The following PCSK2 variants were observed in gnomAD, a reference collection of about 807,000 sequenced individuals.
The protein encoded by PCSK2 is proprotein convertase subtilisin/kexin type 2, also known as neuroendocrine convertase 2.
PCSK2 carries 14 observed loss-of-function variants against 69.7 expected under a neutral mutation model. The ratio of observed to expected loss-of-function variants is 0.20; its 90% confidence interval spans 0.13 to 0.31. PCSK2 has a LOEUF of 0.31. PCSK2 is among the 10% of genes least tolerant of loss of function. The pLI is 1.00. For missense variants in PCSK2, 544 were observed against 842.5 expected (o/e 0.65, Z 4.39); for synonymous variants, 307 against 320.7 (o/e 0.96, Z 0.46).
At chr20:17,382,496 C>T (rs560198103) in intron 5 of PCSK2, among the ~76,000 whole-genome samples, 6 of 152,280 alleles carry the variant, frequency 3.9e-5, no homozygotes, top group African/African-American at 7.2e-5. Flanking sequence ...CAAATGGCAT[C>T]GCCATGGTCA....
intron 2 of PCSK2, among the ~76,000 whole-genome samples, chr20:17,281,044 C>A (rs1432593244): frequency 6.6e-6 from 1 of 152,218 alleles, no homozygotes; most frequent in Non-Finnish European, 1.5e-5. Flanking sequence ...CTGGAGACTT[C>A]TTTCTTCTCC....
intron 2 of PCSK2, among the ~76,000 whole-genome samples, chr20:17,290,442 C>T (rs1002966230): frequency 6.6e-6 from 1 of 152,172 alleles, no homozygotes; most frequent in African/African-American, 2.4e-5. Flanking sequence ...CTAATTATCA[C>T]CATGTGCCCA....
At chr20:17,358,136 C>CT (rs935520451) in intron 2 of PCSK2, among the ~76,000 whole-genome samples, 191 bp from the exon 3 acceptor site, 1 of 151,222 alleles carries the variant, frequency 6.6e-6, no homozygotes, top group African/African-American at 2.4e-5. Context: ...CGAGACCCCC[C>CT]CTAATCTCTA....
chr20:17,236,178 C>T (rs1986330295), intron 1 of PCSK2, among the ~76,000 whole-genome samples: 2 of 152,020 alleles, frequency 1.3e-5, no homozygotes, highest in Non-Finnish European at 2.9e-5. Flanking sequence ...ATCATATGTG[C>T]TATTTTAAGT....
At chr20:17,271,434 C>T (rs570990415) in intron 2 of PCSK2, among the ~76,000 whole-genome samples, 7 of 152,020 alleles carry the variant, frequency 4.6e-5, no homozygotes, top group East Asian at 3.9e-4. Context: ...TAAACAAGTT[C>T]GATTCTTTAG....
chr20:17,320,840 A>C (rs1323819687), intron 2 of PCSK2, among the ~76,000 whole-genome samples: 1 of 152,232 alleles, frequency 6.6e-6, no homozygotes, highest in Non-Finnish European at 1.5e-5. Context: ...TGCAGAAGGA[A>C]TATGGGAAAG....
chr20:17,433,785 T>TTCTC (rs369676259), intron 7 of PCSK2, among the ~76,000 whole-genome samples: 43 of 40,840 alleles, frequency 1.1e-3, no homozygotes, highest in African/African-American at 1.7e-3. Context: ...CTCCTTTGAT[T>TTCTC]TCTCTCTCTC....
intron 7 of PCSK2, 34 bp downstream of exon 7, chr20:17,429,557 A>G (rs759789280): frequency 7.1e-7 from 1 of 1,398,976 alleles, no homozygotes; most frequent in Non-Finnish European, 1.0e-6. Context: ...GGCCCCCACT[A>G]GGTATCACAC....
intron 5 of PCSK2, among the ~76,000 whole-genome samples, chr20:17,372,993 G>A (rs1273102521): frequency 1.3e-5 from 2 of 152,196 alleles, no homozygotes; most frequent in African/African-American, 4.8e-5. Flanking sequence ...AAAATTGTTT[G>A]AGCAGAGAAT....
chr20:17,452,533 A>T (rs1384669252), intron 8 of PCSK2, among the ~76,000 whole-genome samples: 1 of 152,166 alleles, frequency 6.6e-6, no homozygotes, highest in Non-Finnish European at 1.5e-5. Context: ...TAAACCACTG[A>T]TTCTGTGTCA....
chr20:17,480,055 C>A (rs1600614487), intron 11 of PCSK2, among the ~76,000 whole-genome samples: 1 of 152,018 alleles, frequency 6.6e-6, no homozygotes, highest in Non-Finnish European at 1.5e-5. Flanking sequence ...AGGAGATTGC[C>A]TGTAAGGACA....
intron 1 of PCSK2, among the ~76,000 whole-genome samples, chr20:17,233,362 G>T (rs774575938): frequency 3.9e-5 from 6 of 152,162 alleles, no homozygotes; most frequent in Non-Finnish European, 7.4e-5. Flanking sequence ...ACAATAAGCT[G>T]GTTGTGCACT....
rs2123268304 is a variant in PCSK2, at chr20:17,389,524, A to AGGGTGTGAACAGATGCTC, written c.544-19738_544-19721dup. Among the ~76,000 whole-genome samples, 3 of 152,152 alleles carry AGGGTGTGAACAGATGCTC rather than the reference A, an allele frequency of 2.0e-5. 1 individual carries two copies. The highest frequency in any genetic ancestry group is 7.2e-5 in the African/African-American group (3 of 41,504). On this transcript the variant is annotated intron_variant, in intron 5 of 11. Coordinates refer to ENST00000262545, the MANE Select transcript of PCSK2 (RefSeq NM_002594.5). ...AACAGATGCTCTTTGGTTCATGGAA[A>AGGGTGTGAACAGATGCTC]GGGTGTGAACAGATGCTCAGGCCTG...
chr20:17,351,193 T>C (rs1334710260), intron 2 of PCSK2, among the ~76,000 whole-genome samples: 1 of 152,180 alleles, frequency 6.6e-6, no homozygotes, highest in Non-Finnish European at 1.5e-5. Flanking sequence ...GTAGAGTTGC[T>C]TGAGCAACAT....
chr20:17,314,251 A>G (rs901562881), intron 2 of PCSK2, among the ~76,000 whole-genome samples: 2 of 152,180 alleles, frequency 1.3e-5, no homozygotes, highest in Non-Finnish European at 2.9e-5. Flanking sequence ...CTCTCTAGGT[A>G]GTTTTTTATT....
chr20:17,258,314 C>T (rs560344292), intron 1 of PCSK2, among the ~76,000 whole-genome samples: 4 of 152,300 alleles, frequency 2.6e-5, no homozygotes, highest in East Asian at 3.9e-4. Flanking sequence ...AAACACCCTT[C>T]GGGTTGCTGC....
chr20:17,254,497 A>AATTGACCATAAGTTGATTATC (rs1407306481), intron 1 of PCSK2, among the ~76,000 whole-genome samples: 2 of 152,336 alleles, frequency 1.3e-5, no homozygotes, highest in Admixed American at 1.3e-4. Flanking sequence ...GTTGAAAATC[A>AATTGACCATAAGTTGATTATC]ATTGACCATA....
chr20:17,248,175 G>GTT (rs1555781249), intron 1 of PCSK2, among the ~76,000 whole-genome samples: 4 of 144,372 alleles, frequency 2.8e-5, no homozygotes, highest in Non-Finnish European at 6.0e-5. Flanking sequence ...TATAAAAAAG[G>GTT]GTGTGTGTGT....
intron 2 of PCSK2, among the ~76,000 whole-genome samples, chr20:17,288,455 C>T (rs566019161): frequency 6.6e-6 from 1 of 152,322 alleles, no homozygotes; most frequent in South Asian, 2.1e-4. Flanking sequence ...TGAGTCCCTA[C>T]TCACCTGCTC....
Sources: gnomAD v4.1 joint callset for allele counts (sites outside exome capture counted in the v4.1 genomes callset) on GRCh38, gnomAD v4.1.1 for gene constraint, MANE v1.5 for transcripts, NCBI Gene and HGNC (gene_info 2026-07-23, HGNC 2026-07-21) for gene names.